Variants in RFX3 observed in about 807,000 individuals in gnomAD.
RFX3 encodes transcription factor RFX3.
Under a neutral mutation model 98.6 loss-of-function variants are expected in RFX3, and 14 were observed. The ratio of observed to expected loss-of-function variants is 0.14; its 90% CI spans 0.09 to 0.22. The LOEUF is 0.22. RFX3 is among the 10% of genes least tolerant of loss of function. The probability of loss-of-function intolerance (pLI) is 1.00; values close to 1 mark genes in which losing one functional copy is unlikely to be tolerated. For synonymous variants in RFX3, 383 were observed against 328.4 expected, an observed-to-expected ratio of 1.17 and a Z score of -1.80; for missense variants, 639 against 926.9, an observed-to-expected ratio of 0.69 and a Z score of 4.03.
intron 1 of RFX3, chr9:3,400,248 G>A: frequency 1.0e-6 from 1 of 977,794 alleles, no homozygotes; most frequent in Non-Finnish European, 1.2e-6. Flanking sequence ...AATGAGACAG[G>A]AAGAAAAGAA....
chr9:3,482,098 T>C (rs1262824915), intron 1 of RFX3, among the ~76,000 whole-genome samples: 1 of 151,932 alleles, frequency 6.6e-6, no homozygotes, highest in Non-Finnish European at 1.5e-5. Flanking sequence ...CATGCCAAAA[T>C]ACTGTATAGG....
intron 4 of RFX3, among the ~76,000 whole-genome samples, chr9:3,329,129 G>A (rs1488637922): frequency 1.3e-5 from 2 of 152,064 alleles, no homozygotes; most frequent in South Asian, 2.1e-4. Flanking sequence ...TGTTGGCCGG[G>A]CTCAGTGGCT....
chr9:3,399,001 T>G (rs2131994209), intron 1 of RFX3, among the ~76,000 whole-genome samples: 1 of 146,944 alleles, frequency 6.8e-6, no homozygotes, highest in East Asian at 2.0e-4. Context: ...GGAGAGCATA[T>G]CAGAAGATAA....
chr9:3,381,228 A>G (rs1839158271), intron 2 of RFX3, among the ~76,000 whole-genome samples: 2 of 152,046 alleles, frequency 1.3e-5, no homozygotes, highest in Non-Finnish European at 2.9e-5. Flanking sequence ...AAAGACCAAA[A>G]AAAATTCCCA....
At chr9:3,389,315 C>A (rs1840042504) in intron 2 of RFX3, among the ~76,000 whole-genome samples, 1 of 152,000 alleles carries the variant, frequency 6.6e-6, no homozygotes, top group Non-Finnish European at 1.5e-5. Flanking sequence ...CCAAATCATT[C>A]AAGGATGAAG....
At chr9:3,264,333 G>A (rs1010680781) in intron 12 of RFX3, among the ~76,000 whole-genome samples, 1 of 152,028 alleles carries the variant, frequency 6.6e-6, no homozygotes, top group Non-Finnish European at 1.5e-5. Flanking sequence ...GGAATGTATA[G>A]TATTGCACTC....
intron 1 of RFX3, chr9:3,524,626 T>C (rs564025231): frequency 2.0e-6 from 2 of 984,286 alleles, no homozygotes; most frequent in South Asian, 4.7e-5. Flanking sequence ...CTCACAAAGC[T>C]TCCTTGTGTC....
At chr9:3,430,283 C>G (rs1314864883) in intron 1 of RFX3, among the ~76,000 whole-genome samples, 1 of 152,176 alleles carries the variant, frequency 6.6e-6, no homozygotes, top group East Asian at 1.9e-4. Context: ...CTGTAACCAT[C>G]AATCTCCTTA....
intron 1 of RFX3, among the ~76,000 whole-genome samples, chr9:3,434,076 G>A (rs1288009952): frequency 6.6e-6 from 1 of 151,974 alleles, no homozygotes; most frequent in Non-Finnish European, 1.5e-5. Flanking sequence ...CATCTGGGTG[G>A]GGCCTGAGAT....
intron 1 of RFX3, among the ~76,000 whole-genome samples, chr9:3,508,965 A>G (rs935424779): frequency 6.6e-6 from 1 of 151,932 alleles, no homozygotes; most frequent in Non-Finnish European, 1.5e-5. Flanking sequence ...AGACACACAC[A>G]CACACACACA....
At chr9:3,413,505 T>C (rs561763343) in intron 1 of RFX3, among the ~76,000 whole-genome samples, 1 of 152,210 alleles carries the variant, frequency 6.6e-6, no homozygotes, top group East Asian at 1.9e-4. Context: ...AGTATTTAGA[T>C]TATGCTCTTT....
At chr9:3,326,455 C>T (rs1831930904) in intron 4 of RFX3, among the ~76,000 whole-genome samples, 1 of 152,014 alleles carries the variant, frequency 6.6e-6, no homozygotes, top group African/African-American at 2.4e-5. Context: ...GCCTATTATT[C>T]ATTATTTTTC....
intron 1 of RFX3, among the ~76,000 whole-genome samples, chr9:3,467,039 T>C (rs1049041737): frequency 1.0e-3 from 126 of 125,622 alleles, no homozygotes; most frequent in Non-Finnish European, 1.6e-3. Flanking sequence ...TATATATATA[T>C]ATATATATGT....
intron 1 of RFX3, among the ~76,000 whole-genome samples, chr9:3,407,399 G>C (rs1842065065): frequency 6.6e-6 from 1 of 151,762 alleles, no homozygotes; most frequent in Non-Finnish European, 1.5e-5. Context: ...AGAAAACTGA[G>C]GCATAACTTA....
At chr9:3,323,947 G>A (rs749232871) in intron 4 of RFX3, 4 of 377,800 alleles carry the variant, frequency 1.1e-5, no homozygotes, top group Non-Finnish European at 2.4e-5. Context: ...CAGATGAAGT[G>A]ATGGAGACTA....
intron 15 of RFX3, among the ~76,000 whole-genome samples, chr9:3,233,952 C>T (rs1037549617): frequency 4.6e-5 from 7 of 152,168 alleles, no homozygotes; most frequent in Non-Finnish European, 8.8e-5. Flanking sequence ...TCTACTATCC[C>T]AGTACTCTGA....
intron 11 of RFX3, among the ~76,000 whole-genome samples, chr9:3,268,119 T>G (rs981489752): frequency 6.6e-6 from 1 of 151,874 alleles, no homozygotes; most frequent in Admixed American, 6.6e-5. Flanking sequence ...CATTTAAGTG[T>G]TACCCATTGA....
chr9:3,421,027 A>C (rs1843396283), intron 1 of RFX3: 1 of 582,524 alleles, frequency 1.7e-6, no homozygotes, highest in South Asian at 7.6e-5. Flanking sequence ...GCCAAAAAAA[A>C]AAAAAAAAAC....
In RFX3 at chr9:3,441,408, G is replaced by A. The variant is rs112307303; in HGVS notation, c.-8-45812C>T. On this transcript the variant is annotated intron_variant, in intron 1 of 16. Coordinates refer to ENST00000617270, the MANE Select transcript of RFX3 (RefSeq NM_001282116.2). The stretch of plus-strand genomic sequence containing the variant: ...AACCTAGACACAGTGACACCCTGTG[G>A]CAACAACCAGCATATCCAGTGTCCA... Among the ~76,000 whole-genome samples the A allele has an allele frequency of 5.0e-3, 763 of 152,082 alleles. 9 individuals are homozygous for A. Among genetic ancestry groups the A allele is most frequent in the Admixed American group, 7.2e-3 (110 of 15,258 alleles).
Sources: gnomAD v4.1 joint callset for allele counts (sites outside exome capture counted in the v4.1 genomes callset) on GRCh38, gnomAD v4.1.1 for gene constraint, MANE v1.5 for transcripts, NCBI Gene and HGNC (gene_info 2026-07-23, HGNC 2026-07-21) for gene names.